Variants in SIPA1L2 observed in about 807,000 individuals in gnomAD.
SIPA1L2 encodes the protein signal induced proliferation associated 1 like 2.
SIPA1L2 carries 56 observed loss-of-function variants against 163.9 expected under a neutral mutation model. The ratio of observed to expected loss-of-function variants is 0.34; its 90% CI spans 0.28 to 0.43. The LOEUF (loss-of-function observed/expected upper bound fraction) is 0.43. SIPA1L2 is among the 20% of genes least tolerant of loss of function. SIPA1L2 has a pLI of 1.00. For missense variants in SIPA1L2, 1,974 were observed against 2,193.5 expected (o/e 0.90, Z 2.00); for synonymous variants, 877 against 865.7 (o/e 1.01, Z -0.23).
chr1:232,551,070 T>G (rs1209357478), intron 2 of SIPA1L2, among the ~76,000 whole-genome samples: 1 of 152,100 alleles, frequency 6.6e-6, no homozygotes, highest in Non-Finnish European at 1.5e-5. Flanking sequence ...AACTCCTAGG[T>G]GGCCCCAGAC....
intron 3 of SIPA1L2, among the ~76,000 whole-genome samples, chr1:232,499,185 A>C (rs1666345178): frequency 1.3e-5 from 2 of 152,190 alleles, no homozygotes; most frequent in South Asian, 4.1e-4. Context: ...ATGAAAGAAG[A>C]GTCACACCTG....
At chr1:232,533,830 C>T (rs976408575) in intron 2 of SIPA1L2, among the ~76,000 whole-genome samples, 5 of 152,150 alleles carry the variant, frequency 3.3e-5, no homozygotes, top group Admixed American at 6.5e-5. Context: ...GAGCAAGAAT[C>T]CAGTAGCAAG....
At position 232,515,319 on chromosome 1, in the gene SIPA1L2, T is replaced by C; in HGVS notation, c.21A>G (p.Ser7=). MSDPRQ[S]QEEKHKLGRA... ...TGCCTAGCTTGTGCTTCTCTTCTTGTGACTGCCTTGGGTCACTCATGTCTA... is the reference window on the plus strand; with the variant it reads ...TGCCTAGCTTGTGCTTCTCTTCTTGCGACTGCCTTGGGTCACTCATGTCTA... The change falls in exon 3 of 23, where the codon TCA becomes TCG. Residue 7 remains serine (S), a synonymous_variant. Transcript: ENST00000674635. The C allele has an allele frequency of 6.2e-7, 1 of 1,603,740 alleles. No individual in the cohort carries two copies. The highest frequency in any genetic ancestry group is 8.5e-7 in the Non-Finnish European group (1 of 1,174,236).
intron 2 of SIPA1L2, among the ~76,000 whole-genome samples, chr1:232,573,079 C>T (rs1430231051): frequency 1.3e-5 from 2 of 151,934 alleles, no homozygotes; most frequent in East Asian, 3.9e-4. Flanking sequence ...CTGTGCCCGG[C>T]CCCCCAAATC....
At chr1:232,410,343 CTT>C (rs1660877339) in intron 19 of SIPA1L2, among the ~76,000 whole-genome samples, 1 of 152,034 alleles carries the variant, frequency 6.6e-6, no homozygotes, top group Non-Finnish European at 1.5e-5. Context: ...CCTACTGTAA[CTT>C]TTTAATTAAA....
intron 7 of SIPA1L2, among the ~76,000 whole-genome samples, chr1:232,472,070 C>T (rs978217713): frequency 1.3e-5 from 2 of 152,186 alleles, no homozygotes; most frequent in Admixed American, 1.3e-4. Flanking sequence ...TTCAGAAACA[C>T]AGAATTCAAC....
chr1:232,479,634 C>G lies in SIPA1L2; in HGVS notation c.2078G>C (p.Arg693Thr). 5.0e-6 allele frequency: 8 copies of G among 1,613,354 alleles called. No homozygotes were observed. The highest frequency in any genetic ancestry group is 6.8e-6 in the Non-Finnish European group (8 of 1,179,466). Residue 693 changes from arginine to threonine, a missense_variant, in exon 7 of 23, where the codon AGA becomes ACA. Around this residue, in one of 3 missense-constraint regions of SIPA1L2, gnomAD observed 288 missense variants for 418.9 expected, o/e 0.69. Transcript: ENST00000674635. ...STLLPYMPNN[R>T]QQLLRKRHIG... ...AGGCTGGGGAGGACATACCTGTTGT[C>G]TGTTGTTGGGCATGTAGGGAAGCAG... is the stretch of plus-strand genomic sequence containing the variant.
intron 2 of SIPA1L2, among the ~76,000 whole-genome samples, chr1:232,520,283 C>T (rs1667404162): frequency 6.6e-6 from 1 of 152,228 alleles, no homozygotes; most frequent in Non-Finnish European, 1.5e-5. Context: ...ATTCTGCAAG[C>T]ACTTTAAAAA....
intron 2 of SIPA1L2, among the ~76,000 whole-genome samples, chr1:232,543,319 G>C (rs1479033348): frequency 6.6e-6 from 1 of 152,124 alleles, no homozygotes; most frequent in Non-Finnish European, 1.5e-5. Context: ...GCTGGCCCTT[G>C]AACACGGGTT....
chr1:232,562,242 T>C (rs1659079472), intron 2 of SIPA1L2, among the ~76,000 whole-genome samples: 1 of 152,220 alleles, frequency 6.6e-6, no homozygotes, highest in South Asian at 2.1e-4. Context: ...AGGAGGCACA[T>C]GCGTCTGTAA....
intron 1 of SIPA1L2, among the ~76,000 whole-genome samples, chr1:232,600,292 C>A (rs1012202162): frequency 7.3e-6 from 1 of 137,448 alleles, no homozygotes; most frequent in African/African-American, 2.6e-5. Context: ...TTAGAAAACA[C>A]ATTCTGAAAA....
At chr1:232,499,363 G>A (rs1398713232) in intron 3 of SIPA1L2, among the ~76,000 whole-genome samples, 6 of 152,204 alleles carry the variant, frequency 3.9e-5, no homozygotes, top group Admixed American at 1.3e-4. Flanking sequence ...GAGAACACAC[G>A]ATTAAGAAGC....
chr1:232,418,610 T>A (rs778561533), intron 18 of SIPA1L2, among the ~76,000 whole-genome samples: 5 of 152,194 alleles, frequency 3.3e-5, no homozygotes, highest in African/African-American at 4.8e-5. Context: ...AATGTGGCAC[T>A]AATGGCTCTC....
At chr1:232,484,327 ATCT>A (rs767885577) in intron 5 of SIPA1L2, among the ~76,000 whole-genome samples, 45 of 152,166 alleles carry the variant, frequency 3.0e-4, no homozygotes, top group Non-Finnish European at 5.3e-4. Context: ...AATTAGGGTA[ATCT>A]TCTAAGTCGG....
intron 19 of SIPA1L2, 117 bp downstream of exon 19, chr1:232,415,377 A>T: frequency 7.6e-7 from 1 of 1,312,560 alleles, no homozygotes; most frequent in Non-Finnish European, 1.0e-6. Flanking sequence ...AAGGCAAAAC[A>T]TTCAAAACTT....
At chr1:232,620,988 T>G (rs2102889163) in intron 1 of SIPA1L2, among the ~76,000 whole-genome samples, 1 of 152,356 alleles carries the variant, frequency 6.6e-6, no homozygotes, top group South Asian at 2.1e-4. Flanking sequence ...GGGATTCACA[T>G]TCAACTGGCT....
At chr1:232,410,734 TA>T (rs1343983141) in intron 19 of SIPA1L2, among the ~76,000 whole-genome samples, 1 of 152,130 alleles carries the variant, frequency 6.6e-6, no homozygotes, top group African/African-American at 2.4e-5. Flanking sequence ...TTGCAAGAAA[TA>T]ATCTAAGTAC....
At chr1:232,532,057 C>A (rs543931658) in intron 2 of SIPA1L2, among the ~76,000 whole-genome samples, 3 of 152,216 alleles carry the variant, frequency 2.0e-5, no homozygotes, top group African/African-American at 4.8e-5. Flanking sequence ...TCTGACTTAG[C>A]CATTCTGTTT....
At chr1:232,427,024 T>C (rs182321238) in intron 17 of SIPA1L2, among the ~76,000 whole-genome samples, 1 of 152,318 alleles carries the variant, frequency 6.6e-6, no homozygotes, top group Admixed American at 6.5e-5. Flanking sequence ...TCTTTCCAAC[T>C]GATGAAAGGT....
Sources: allele counts gnomAD v4.1 joint callset (sites outside exome capture counted in the v4.1 genomes callset), GRCh38; gene constraint gnomAD v4.1.1; regional missense constraint gnomAD v4.1.1; transcripts MANE v1.5; gene names NCBI Gene and HGNC (gene_info 2026-07-23, HGNC 2026-07-21).